Variants in ADGRG7 observed in about 807,000 individuals in gnomAD.
ADGRG7 encodes the protein adhesion G protein-coupled receptor G7.
A neutral mutation model predicts 88.6 loss-of-function variants in ADGRG7; 82 were observed. The observed-to-expected ratio is 0.93, with a 90% CI of 0.77 to 1.11. The LOEUF (loss-of-function observed/expected upper bound fraction) is 1.11, where lower values mean the gene tolerates loss of function less well. Among genes scored for constraint, ADGRG7 ranks in the 50% most tolerant of loss-of-function variants. The pLI, the probability that ADGRG7 is intolerant of heterozygous loss-of-function variation, is 0.00. For missense variants in ADGRG7, 945 were observed against 953.4 expected (o/e 0.99, Z 0.12); for synonymous variants, 381 against 345.2 (o/e 1.10, Z -1.15).
At chr3:100,666,732 G>A (rs2094952345) in intron 14 of ADGRG7, among the ~76,000 whole-genome samples, 3 of 152,038 alleles carry the variant, frequency 2.0e-5, no homozygotes, top group Admixed American at 1.3e-4. Flanking sequence ...CCCTTCCCAC[G>A]AGGCCATATT....
At chr3:100,616,478 T>C (rs536272489) in intron 1 of ADGRG7, among the ~76,000 whole-genome samples, 1 of 151,980 alleles carries the variant, frequency 6.6e-6, no homozygotes, top group South Asian at 2.1e-4. Context: ...GAAAATATAG[T>C]AATGATAAAA....
At chr3:100,660,245 G>A (rs1463826320) in intron 14 of ADGRG7, among the ~76,000 whole-genome samples, 1 of 152,130 alleles carries the variant, frequency 6.6e-6, no homozygotes, top group Non-Finnish European at 1.5e-5. Flanking sequence ...GTACCTGTTG[G>A]CTATATTTTA....
intron 2 of ADGRG7, among the ~76,000 whole-genome samples, chr3:100,630,044 C>A (rs78374413): frequency 1.3e-5 from 2 of 152,016 alleles, no homozygotes; most frequent in Non-Finnish European, 2.9e-5. Context: ...CCATAATATA[C>A]CATTTCAAAT....
rs2094999189 is a variant in ADGRG7 at position 100,694,664 on chromosome 3, G to C, written c.2137-80G>C. 5.4e-6 allele frequency: 7 copies of C among 1,308,342 alleles called. No individual in the cohort carries two copies. The East Asian group carries it at 1.4e-4, about 26-fold the overall frequency. The allele number at this position is 1,308,342 out of a possible 1,614,324, so 81.0% of individuals were successfully genotyped here. On this transcript the variant is annotated intron_variant, in intron 15 of 15. Transcript: ENST00000273352. The stretch of plus-strand genomic sequence containing the variant: ...AGTGCCGTGCAGATGAGAAGGTTGG[G>C]TGGCAGAGTGAAATAAAATGTCTTC...
At chr3:100,626,834 T>C (rs1707386734) in intron 1 of ADGRG7, among the ~76,000 whole-genome samples, 1 of 152,208 alleles carries the variant, frequency 6.6e-6, no homozygotes, top group African/African-American at 2.4e-5. Context: ...TAAATTTTGT[T>C]AGATTTATTT....
chr3:100,612,714 C>T (rs560803921), intron 1 of ADGRG7, among the ~76,000 whole-genome samples: 2 of 152,126 alleles, frequency 1.3e-5, no homozygotes, highest in Non-Finnish European at 2.9e-5. Context: ...GTAGAATTTC[C>T]TGCTCTTTGC....
chr3:100,689,839 G>A (rs1576342042), intron 15 of ADGRG7, among the ~76,000 whole-genome samples: 1 of 152,216 alleles, frequency 6.6e-6, no homozygotes, highest in East Asian at 1.9e-4. Flanking sequence ...TGGTGAATTT[G>A]ACCATTATGT....
intron 14 of ADGRG7, 46 bp from the exon 15 acceptor site, chr3:100,668,903 A>C (rs760756819): frequency 2.8e-6 from 4 of 1,435,278 alleles, no homozygotes; most frequent in Non-Finnish European, 3.8e-6. Context: ...GTTGATAAGT[A>C]AAACCCTAAT....
intron 10 of ADGRG7, among the ~76,000 whole-genome samples, chr3:100,647,072 G>A (rs950129750): frequency 7.2e-5 from 11 of 152,058 alleles, no homozygotes; most frequent in African/African-American, 2.2e-4. Flanking sequence ...CAGGAGAATC[G>A]CTTGAACCTG....
At chr3:100,666,649 G>T (rs1423722583) in intron 14 of ADGRG7, among the ~76,000 whole-genome samples, 3 of 152,160 alleles carry the variant, frequency 2.0e-5, no homozygotes, top group South Asian at 4.1e-4. Flanking sequence ...CAAGAGGCAT[G>T]CCTTCCTCTT....
chr3:100,673,944 A>G (rs1359943465), intron 15 of ADGRG7, among the ~76,000 whole-genome samples: 1 of 151,800 alleles, frequency 6.6e-6, no homozygotes, highest in East Asian at 1.9e-4. Context: ...TCTTAATTTT[A>G]ATTTATAGTT....
At chr3:100,637,054 G>C (rs1350656397) in intron 5 of ADGRG7, among the ~76,000 whole-genome samples, 1 of 152,164 alleles carries the variant, frequency 6.6e-6, no homozygotes, top group Admixed American at 6.5e-5. Flanking sequence ...ATCTTGCTAT[G>C]AGGTCGAATT....
chr3:100,629,621 A>C lies in ADGRG7; in HGVS notation c.139A>C (p.Thr47Pro). ...QRGKSTSSSSTPTEFCRNGGT... is the reference protein window; with the variant it reads ...QRGKSTSSSSPPTEFCRNGGT... The stretch of plus-strand genomic sequence containing the variant: ...AGGAAAATCTACTTCCTCATCAAGC[A>C]CCCCTACAGAGTTCTGCAGGAATGG... The change falls in exon 2 of 16, where the codon ACC becomes CCC. Residue 47 changes from threonine (T) to proline (P), a missense_variant. Thr to Pro is a conservative substitution (Grantham distance 38). Transcript: ENST00000273352. 1 of 1,612,522 alleles carries C rather than the reference A, an allele frequency of 6.2e-7. No homozygotes were observed. Among genetic ancestry groups the C allele is most frequent in the East Asian group, 2.2e-5 (1 of 44,832 alleles).
At chr3:100,694,666 G>T (rs1423166827) in intron 15 of ADGRG7, 78 bp from the exon 16 acceptor site, 1 of 1,321,642 alleles carries the variant, frequency 7.6e-7, no homozygotes. Context: ...AAGGTTGGGT[G>T]GCAGAGTGAA....
intron 13 of ADGRG7, among the ~76,000 whole-genome samples, chr3:100,658,859 G>GA (rs1423080316): frequency 7.2e-5 from 11 of 152,080 alleles, no homozygotes; most frequent in African/African-American, 2.7e-4. Context: ...CTAAAGAAGG[G>GA]ATTTTTGTTT....
chr3:100,662,569 T>C (rs1001936160), intron 14 of ADGRG7, among the ~76,000 whole-genome samples: 1 of 152,182 alleles, frequency 6.6e-6, no homozygotes, highest in African/African-American at 2.4e-5. Flanking sequence ...TTTCTTCATA[T>C]GTGTTTTTGT....
chr3:100,674,805 C>T (rs1409121985), intron 15 of ADGRG7, among the ~76,000 whole-genome samples: 2 of 152,170 alleles, frequency 1.3e-5, no homozygotes, highest in Non-Finnish European at 2.9e-5. Context: ...TATCGATCTC[C>T]TGACCTCGTG....
At chr3:100,617,986 A>T (rs534632151) in intron 1 of ADGRG7, among the ~76,000 whole-genome samples, 1 of 152,174 alleles carries the variant, frequency 6.6e-6, no homozygotes, top group East Asian at 1.9e-4. Flanking sequence ...GCATTTTTTC[A>T]TGTGTCTATT....
chr3:100,648,765 G>T (rs1053617036), intron 10 of ADGRG7, among the ~76,000 whole-genome samples: 21 of 151,144 alleles, frequency 1.4e-4, no homozygotes, highest in Admixed American at 1.1e-3. Flanking sequence ...TTACAAATAA[G>T]AATACATTGC....
Sources: allele counts gnomAD v4.1 joint callset (sites outside exome capture counted in the v4.1 genomes callset), GRCh38; gene constraint gnomAD v4.1.1; transcripts MANE v1.5; gene names NCBI Gene and HGNC (gene_info 2026-07-23, HGNC 2026-07-21).